Variants in RBFOX1 observed in about 807,000 individuals in gnomAD.
RBFOX1 encodes RNA binding fox-1 homolog 1.
Under a neutral mutation model 57.7 loss-of-function variants are expected in RBFOX1, and 8 were observed. The ratio of observed to expected loss-of-function variants is 0.14; its 90% CI spans 0.08 to 0.25. The LOEUF is 0.25. Ranked by LOEUF, RBFOX1 falls within the 10% of genes least tolerant of loss-of-function variation. The pLI, the probability that RBFOX1 is intolerant of heterozygous loss-of-function variation, is 1.00. For missense variants in RBFOX1, 611 were observed against 548.5 expected, an observed-to-expected ratio of 1.11 and a Z score of -1.14; for synonymous variants, 326 against 222.4, an observed-to-expected ratio of 1.47 and a Z score of -4.15.
chr16:5,871,641 G>A (rs1260286334), intron 4 of RBFOX1, among the ~76,000 whole-genome samples: 3 of 152,218 alleles, frequency 2.0e-5, no homozygotes, highest in South Asian at 4.1e-4. Context: ...ACCACCAGCT[G>A]TATATTAACA....
At chr16:7,552,613 C>T (rs1219723079) in intron 5 of RBFOX1, among the ~76,000 whole-genome samples, 1 of 152,128 alleles carries the variant, frequency 6.6e-6, no homozygotes, top group Non-Finnish European at 1.5e-5. Context: ...AGTTCATGAC[C>T]CTATAAGATT....
At chr16:7,358,171 A>T (rs768783842) in intron 4 of RBFOX1, among the ~76,000 whole-genome samples, 1 of 152,168 alleles carries the variant, frequency 6.6e-6, no homozygotes, top group Non-Finnish European at 1.5e-5. Flanking sequence ...TTATCATCCT[A>T]TTGGATATGC....
intron 2 of RBFOX1, among the ~76,000 whole-genome samples, chr16:6,374,643 A>G (rs1015573528): frequency 6.6e-6 from 1 of 152,220 alleles, no homozygotes; most frequent in African/African-American, 2.4e-5. Context: ...ACAGTACTTT[A>G]TATCCTGGCC....
chr16:5,999,914 AG>A (rs2060566002), intron 4 of RBFOX1, among the ~76,000 whole-genome samples: 1 of 128,320 alleles, frequency 7.8e-6, no homozygotes, highest in Non-Finnish European at 1.7e-5. Flanking sequence ...AAAAGAGTGA[AG>A]AAGGGAAATC....
intron 2 of RBFOX1, among the ~76,000 whole-genome samples, chr16:6,478,411 ATATATATATATATATATAT>A (rs1229211729): frequency 6.8e-5 from 2 of 29,422 alleles, no homozygotes; most frequent in East Asian, 1.5e-3. Flanking sequence ...ATATATATAT[ATATATATATATATATATAT>A]TTTTTTTTTT....
chr16:6,249,713 A>G (rs111521295), intron 1 of RBFOX1, among the ~76,000 whole-genome samples: 5 of 151,986 alleles, frequency 3.3e-5, no homozygotes, highest in African/African-American at 1.2e-4. Flanking sequence ...TTAATCTTAG[A>G]ATGATGGGAA....
intron 1 of RBFOX1, among the ~76,000 whole-genome samples, chr16:6,182,187 G>C (rs1304104295): frequency 6.6e-6 from 1 of 152,148 alleles, no homozygotes; most frequent in East Asian, 1.9e-4. Context: ...AGAAAATTGG[G>C]ATGCAGAAAT....
At chr16:7,182,343 A>T (rs1018892624) in intron 4 of RBFOX1, among the ~76,000 whole-genome samples, 3 of 152,154 alleles carry the variant, frequency 2.0e-5, no homozygotes, top group Admixed American at 1.3e-4. Context: ...AAAAGTAAAA[A>T]GCATCTTCCA....
At chr16:6,650,677 T>A (rs2098581696) in intron 2 of RBFOX1, among the ~76,000 whole-genome samples, 1 of 152,182 alleles carries the variant, frequency 6.6e-6, no homozygotes, top group South Asian at 2.1e-4. Context: ...AACAAGATAT[T>A]TGCTATACGA....
At chr16:6,888,459 G>C (rs2064654350) in intron 3 of RBFOX1, among the ~76,000 whole-genome samples, 1 of 152,086 alleles carries the variant, frequency 6.6e-6, no homozygotes, top group African/African-American at 2.4e-5. Flanking sequence ...TTACTGTCTT[G>C]GGTTTCATTT....
intron 3 of RBFOX1, among the ~76,000 whole-genome samples, chr16:6,900,735 C>A (rs551855749): frequency 6.6e-6 from 1 of 152,174 alleles, no homozygotes; most frequent in Admixed American, 6.5e-5. Context: ...TCCTATCTTT[C>A]GTCTAAACTG....
At chr16:5,984,968 ATATATATATTTTTTT>A (rs1397122417) in intron 4 of RBFOX1, among the ~76,000 whole-genome samples, 10 of 55,734 alleles carry the variant, frequency 1.8e-4, no homozygotes, top group African/African-American at 5.1e-4. Flanking sequence ...ATATATATAT[ATATATATATTTTTTT>A]TTTTTTTTTT....
intron 2 of RBFOX1, among the ~76,000 whole-genome samples, chr16:6,537,521 GA>G (rs2096751852): frequency 6.6e-6 from 1 of 152,196 alleles, no homozygotes; most frequent in Non-Finnish European, 1.5e-5. Flanking sequence ...TTAGTGATGT[GA>G]TCGAGTTGCT....
chr16:7,437,433 C>T (rs139541796), intron 4 of RBFOX1, among the ~76,000 whole-genome samples: 1 of 152,070 alleles, frequency 6.6e-6, no homozygotes, highest in African/African-American at 2.4e-5. Flanking sequence ...TTAATAGAGA[C>T]AAAAGGACAC....
chr16:6,472,464 C>T (rs2095198869), intron 2 of RBFOX1, among the ~76,000 whole-genome samples: 1 of 152,096 alleles, frequency 6.6e-6, no homozygotes, highest in Non-Finnish European at 1.5e-5. Context: ...CCAGTCATTG[C>T]TATTGGGGGT....
chr16:7,630,976 C>A (rs2060852373), intron 11 of RBFOX1, among the ~76,000 whole-genome samples: 1 of 152,174 alleles, frequency 6.6e-6, no homozygotes, highest in African/African-American at 2.4e-5. Context: ...TGCCTTCTAT[C>A]ATAGCTTTGC....
Position 7,309,423 on chromosome 16 carries a change from C to G in RBFOX1, c.28-208724C>G, listed in dbSNP as rs532326190. Among the ~76,000 whole-genome samples, 3 of 152,310 alleles carry G rather than the reference C, an allele frequency of 2.0e-5. No homozygotes were observed. The East Asian group carries it at 5.8e-4, about 29-fold the overall frequency. The stretch of plus-strand genomic sequence containing the variant: ...CTGAAAATTGTAAGCATCTGTTCAT[C>G]CACAGACCAAAGCCTTGTGCCATTC... On this transcript the variant is annotated intron_variant, in intron 4 of 15. Coordinates refer to ENST00000550418, the MANE Select transcript of RBFOX1 (RefSeq NM_018723.4).
intron 4 of RBFOX1, among the ~76,000 whole-genome samples, chr16:7,411,085 A>G (rs1597750837): frequency 6.6e-6 from 1 of 152,184 alleles, no homozygotes; most frequent in East Asian, 1.9e-4. Flanking sequence ...AGCTGGGACT[A>G]CAGGCGTGAG....
chr16:7,426,529 A>C (rs1341038853), intron 4 of RBFOX1, among the ~76,000 whole-genome samples: 1 of 152,196 alleles, frequency 6.6e-6, no homozygotes, highest in African/African-American at 2.4e-5. Context: ...GCAGCTAGGA[A>C]AATTAGGAAG....
Sources: allele counts gnomAD v4.1 joint callset (sites outside exome capture counted in the v4.1 genomes callset), GRCh38; gene constraint gnomAD v4.1.1; transcripts MANE v1.5; gene names NCBI Gene and HGNC (gene_info 2026-07-23, HGNC 2026-07-21).